DMXL2: variants seen among roughly 807,000 people sequenced by gnomAD.
DMXL2 encodes dmX-like protein 2.
Under a neutral mutation model 331.1 loss-of-function variants are expected in DMXL2, and 103 were observed. The ratio of observed to expected loss-of-function variants is 0.31; its 90% confidence interval spans 0.27 to 0.37. The LOEUF is 0.37. DMXL2 is among the 10% of genes least tolerant of loss of function. DMXL2 has a pLI of 1.00. For synonymous variants in DMXL2, 1,281 were observed against 1,252.1 expected, an observed-to-expected ratio of 1.02 and a Z score of -0.49; for missense variants, 3,171 against 3,642.9, an observed-to-expected ratio of 0.87 and a Z score of 3.33.
chr15:51,474,536 G>C lies in DMXL2; in HGVS notation c.7021C>G (p.Leu2341Val). ...SSAQDEDQPK[L>V]NILLCEAVVA... Reference sequence around the variant, plus strand: ...ACAGCTTCACATAGCAAAATGTTCAGTTTTGGCTGGTCTTCATCTTGGGCT... The same window carrying C: ...ACAGCTTCACATAGCAAAATGTTCACTTTTGGCTGGTCTTCATCTTGGGCT... Residue 2341 changes from leucine (L) to valine (V), a missense_variant, in exon 28 of 44, where the codon CTG becomes GTG. Around this residue, in one of 7 missense-constraint regions of DMXL2, gnomAD observed 766 missense variants for 940.5 expected, o/e 0.81. Transcript: ENST00000560891. 1 of 1,614,078 alleles carries C rather than the reference G, an allele frequency of 6.2e-7. No homozygotes were observed. The highest frequency in any genetic ancestry group is 1.1e-5 in the South Asian group (1 of 91,084).
At chr15:51,618,321 T>C (rs1243380359) in intron 1 of DMXL2, among the ~76,000 whole-genome samples, 2 of 152,106 alleles carry the variant, frequency 1.3e-5, no homozygotes, top group African/African-American at 4.8e-5. Flanking sequence ...TTCTTTTTTT[T>C]TTTTTTTAAT....
Position 51,449,001 on chromosome 15 carries a change from T to C in DMXL2, c.9160A>G (p.Ile3054Val), listed in dbSNP as rs745670801. The change falls in exon 44 of 44, where the codon ATT (isoleucine) becomes GTT (valine). Residue 3054 changes from isoleucine (I) to valine (V), a missense_variant. Ile to Val is a conservative substitution (Grantham distance 29). Around this residue, in one of 7 missense-constraint regions of DMXL2, gnomAD observed 766 missense variants for 940.5 expected, o/e 0.81. Transcript: ENST00000560891. ...CCCAATCTTTATAGAATGTCAAGAA[T>C]TCTGTTAGGGATGTTAAAAGCATTG... is the stretch of plus-strand genomic sequence containing the variant. Reference protein sequence around the residue: ...LPNAFNIPNRILDIL With the variant: ...LPNAFNIPNRVLDIL 1.2e-6 allele frequency: 2 copies of C among 1,614,146 alleles called. No homozygotes were observed. Among genetic ancestry groups the C allele is most frequent in the Middle Eastern group, 1.6e-4 (1 of 6,062 alleles).
chr15:51,565,041 A>T, intron 4 of DMXL2, 47 bp downstream of exon 4: 1 of 1,109,386 alleles, frequency 9.0e-7, no homozygotes, highest in Non-Finnish European at 1.2e-6. Context: ...TCATACATTT[A>T]AAACAAATAT....
At chr15:51,578,286 CA>C (rs1056755894) in intron 1 of DMXL2, among the ~76,000 whole-genome samples, 30 of 152,136 alleles carry the variant, frequency 2.0e-4, no homozygotes, top group Non-Finnish European at 3.2e-4. Flanking sequence ...CATTATATAT[CA>C]AAAAGACATA....
At position 51,500,070 on chromosome 15, in the gene DMXL2, G is replaced by T; in HGVS notation, c.3154C>A (p.Pro1052Thr). 1 of 1,614,050 alleles carries T rather than the reference G, an allele frequency of 6.2e-7. No homozygotes were observed. The highest frequency in any genetic ancestry group is 8.5e-7 in the Non-Finnish European group (1 of 1,180,000). The change falls in exon 18 of 44, where the codon CCT (proline) becomes ACT (threonine). Residue 1052 changes from proline to threonine, a missense_variant. Physicochemically the swap from Pro to Thr is conservative, Grantham distance 38. Coordinates refer to ENST00000560891, the MANE Select transcript of DMXL2 (RefSeq NM_001378457.1). ...TCTTCTCCTTCATCATTCATCAAAG[G>T]CCATCTCTTCCAATGATAAATTTCT... Reference protein sequence around the residue: ...EKEIYHWKRWPLMNDEGEDNS... With the variant: ...EKEIYHWKRWTLMNDEGEDNS...
intron 3 of DMXL2, chr15:51,567,945 T>C (rs2050400145): frequency 6.6e-6 from 1 of 152,532 alleles, no homozygotes; most frequent in South Asian, 2.1e-4. Context: ...TAGCTGGCCA[T>C]GGTGGTACAT....
intron 13 of DMXL2, among the ~76,000 whole-genome samples, chr15:51,518,127 T>C (rs1162973038): frequency 6.6e-6 from 1 of 151,748 alleles, no homozygotes; most frequent in Admixed American, 6.6e-5. Flanking sequence ...AGGTTAGGAG[T>C]TAAGAGACCA....
At chr15:51,540,864 A>T (rs1034340040) in intron 9 of DMXL2, among the ~76,000 whole-genome samples, 2 of 152,158 alleles carry the variant, frequency 1.3e-5, no homozygotes, top group African/African-American at 4.8e-5. Flanking sequence ...CCAAGGCCCA[A>T]TGGCTACAAG....
chr15:51,550,049 C>A (rs1327143199), intron 6 of DMXL2, among the ~76,000 whole-genome samples: 1 of 152,100 alleles, frequency 6.6e-6, no homozygotes, highest in Admixed American at 6.6e-5. Context: ...CTAACTGAAT[C>A]CAACAGCATA....
At chr15:51,497,760 G>A (rs1449306070) in intron 18 of DMXL2, among the ~76,000 whole-genome samples, 1 of 152,136 alleles carries the variant, frequency 6.6e-6, no homozygotes, top group Admixed American at 6.5e-5. Context: ...TGGAAATCTC[G>A]CTGAAGAGAC....
intron 28 of DMXL2, among the ~76,000 whole-genome samples, chr15:51,472,578 TG>T (rs1301766637): frequency 6.6e-6 from 1 of 152,188 alleles, no homozygotes; most frequent in African/African-American, 2.4e-5. Context: ...TCTGTCTCTA[TG>T]GATTTACCTA....
chr15:51,460,246 G>A, intron 33 of DMXL2: 8 of 985,594 alleles, frequency 8.1e-6, no homozygotes, highest in Non-Finnish European at 9.6e-6. Context: ...CTCTGCTGTG[G>A]AAACTCTGAA....
intron 1 of DMXL2, among the ~76,000 whole-genome samples, chr15:51,596,448 T>C (rs541704056): frequency 1.3e-5 from 2 of 152,114 alleles, no homozygotes; most frequent in African/African-American, 4.8e-5. Flanking sequence ...TGTGGAGAAA[T>C]AGGAACACTT....
chr15:51,459,395 A>C (rs142090555), intron 34 of DMXL2, among the ~76,000 whole-genome samples: 1 of 152,300 alleles, frequency 6.6e-6, no homozygotes, highest in African/African-American at 2.4e-5. Context: ...GACAGGGAGC[A>C]AGAAAGAGAA....
chr15:51,586,928 T>G (rs2051874386), intron 1 of DMXL2, among the ~76,000 whole-genome samples: 1 of 151,794 alleles, frequency 6.6e-6, no homozygotes, highest in African/African-American at 2.4e-5. Context: ...TTAATAACTA[T>G]TTATATGTCA....
At chr15:51,534,878 C>G (rs2048199868) in intron 13 of DMXL2, among the ~76,000 whole-genome samples, 1 of 152,160 alleles carries the variant, frequency 6.6e-6, no homozygotes, top group Admixed American at 6.6e-5. Context: ...TGATCTCTCT[C>G]TCTCCTCTGA....
At position 51,499,630 on chromosome 15, in the gene DMXL2, T is replaced by G. The variant is rs755365817; in HGVS notation, c.3594A>C (p.Ser1198=). ...TGTTGGTTTGCTCAGTCACAATTCCTGAAAGCCTTCCATACATGAAGATAT... is the reference window on the plus strand; with the variant it reads ...TGTTGGTTTGCTCAGTCACAATTCCGGAAAGCCTTCCATACATGAAGATAT... The part of the protein sequence containing the change: ...GANIFMYGRL[S]GIVTEQTNSK... The change falls in exon 18 of 44, where the codon TCA becomes TCC. Residue 1198 remains serine, a synonymous_variant. Coordinates refer to ENST00000560891, the MANE Select transcript of DMXL2 (RefSeq NM_001378457.1). 3.8e-5 allele frequency: 62 copies of G among 1,614,104 alleles called. No individual in the cohort carries two copies. The highest frequency in any genetic ancestry group is 5.1e-5 in the Non-Finnish European group (60 of 1,180,014).
intron 15 of DMXL2, among the ~76,000 whole-genome samples, chr15:51,512,419 A>C (rs2046810528): frequency 6.6e-6 from 1 of 152,214 alleles, no homozygotes; most frequent in South Asian, 2.1e-4. Context: ...GATTCTGAGG[A>C]ATTTTATTAT....
intron 23 of DMXL2, among the ~76,000 whole-genome samples, chr15:51,485,235 C>T (rs2042306878): frequency 6.6e-6 from 1 of 152,176 alleles, no homozygotes; most frequent in East Asian, 1.9e-4. Flanking sequence ...AGATAGGCAT[C>T]TAGGTCCAGG....
Sources: gnomAD v4.1 joint callset for allele counts (sites outside exome capture counted in the v4.1 genomes callset) on GRCh38, gnomAD v4.1.1 for gene constraint, gnomAD v4.1.1 regional missense constraint, MANE v1.5 for transcripts, NCBI Gene and HGNC (gene_info 2026-07-23, HGNC 2026-07-21) for gene names.